The following DTNA variants were observed in gnomAD, a reference collection of about 807,000 sequenced individuals.
DTNA encodes dystrophin-related protein 3.
A neutral mutation model predicts 100.7 loss-of-function variants in DTNA; 43 were observed. The ratio of observed to expected loss-of-function variants is 0.43; its 90% confidence interval spans 0.33 to 0.55. DTNA has a LOEUF of 0.55. DTNA is among the 20% of genes least tolerant of loss of function. DTNA has a pLI of 0.04. For missense variants in DTNA, 798 were observed against 953.9 expected (o/e 0.84, Z 2.15); for synonymous variants, 349 against 347.9 (o/e 1.00, Z -0.04).
chr18:34,867,290 T>G, intron 17 of DTNA: 1 of 1,231,292 alleles, frequency 8.1e-7, no homozygotes, highest in Non-Finnish European at 1.0e-6. Context: ...AAAAGGAAAG[T>G]GTAAAATCAA....
chr18:34,550,367 T>C (rs2045275767), intron 1 of DTNA, among the ~76,000 whole-genome samples: 1 of 152,126 alleles, frequency 6.6e-6, no homozygotes, highest in African/African-American at 2.4e-5. Flanking sequence ...GATTTTCGGC[T>C]AGGGGATCTA....
At chr18:34,842,255 A>G (rs1568732949) in intron 13 of DTNA, among the ~76,000 whole-genome samples, 2 of 152,160 alleles carry the variant, frequency 1.3e-5, no homozygotes, top group Non-Finnish European at 2.9e-5. Flanking sequence ...TGTTCTGCTT[A>G]TATTTTTCTC....
At chr18:34,621,800 A>G (rs1599176163) in intron 1 of DTNA, among the ~76,000 whole-genome samples, 1 of 152,220 alleles carries the variant, frequency 6.6e-6, no homozygotes, top group African/African-American at 2.4e-5. Flanking sequence ...GAAAATTGCT[A>G]AGAGAGTAGA....
intron 1 of DTNA, among the ~76,000 whole-genome samples, chr18:34,612,532 G>T (rs555694612): frequency 6.6e-6 from 1 of 152,250 alleles, no homozygotes; most frequent in South Asian, 2.1e-4. Context: ...GGCACCCACA[G>T]TGTGGACCCT....
At chr18:34,738,713 C>T (rs921612525) in intron 1 of DTNA, among the ~76,000 whole-genome samples, 14 of 152,152 alleles carry the variant, frequency 9.2e-5, no homozygotes, top group East Asian at 5.8e-4. Context: ...CAGCGCGTGA[C>T]GGTGAGGAAT....
chr18:34,821,900 C>T lies in DTNA; in HGVS notation c.1001+985C>T, dbSNP rs552662178. ...GGCACTGTGGTGGGTATGAGACCTT[C>T]GTGGAAGCAGCAACTATGTTCTCTG... On this transcript the variant is annotated intron_variant, in intron 9 of 22. Coordinates refer to ENST00000444659, the MANE Select transcript of DTNA (RefSeq NM_001386795.1). Among the ~76,000 whole-genome samples, 8 of 152,302 alleles carry T rather than the reference C, an allele frequency of 5.3e-5. No individual in the cohort carries two copies. The East Asian group carries it at 1.4e-3, about 26-fold the overall frequency.
intron 1 of DTNA, among the ~76,000 whole-genome samples, chr18:34,557,135 T>G (rs1332817938): frequency 3.3e-5 from 5 of 150,362 alleles, no homozygotes; most frequent in African/African-American, 5.0e-5. Flanking sequence ...CCATTGCTGA[T>G]ACCCTTTCTT....
At position 34,890,337 on chromosome 18, in the gene DTNA, G is replaced by C. The variant is rs1014655771; in HGVS notation, c.*2603G>C. On this transcript the variant is annotated 3_prime_UTR_variant, in exon 23 of 23. Transcript: ENST00000444659. ...ACTGAGACCAGACTCGAGCACCCCT[G>C]TCCTGTAAGCGAGACAAAATGGCGT... The C allele has an allele frequency of 2.6e-6, 4 of 1,535,912 alleles. No homozygotes were observed. In the African/African-American group the frequency reaches 4.1e-5, roughly 16 times the overall value.
In DTNA at chr18:34,851,440, C is replaced by T. The variant is rs573746931; in HGVS notation, c.1435-391C>T. ...TTAATTGTACATTACAGTAATTGAA[C>T]GGTAACTCTAGAGAAAGCACCCTCT... On this transcript the variant is annotated intron_variant, in intron 14 of 22. Transcript: ENST00000444659. Among the ~76,000 whole-genome samples the T allele has an allele frequency of 6.2e-4, 95 of 152,220 alleles. No individual in the cohort carries two copies. In the South Asian group the frequency reaches 0.016, roughly 25 times the overall value.
intron 1 of DTNA, among the ~76,000 whole-genome samples, chr18:34,526,989 A>G (rs142668319): frequency 2.0e-5 from 3 of 152,216 alleles, no homozygotes; most frequent in African/African-American, 7.2e-5. Context: ...TCTTAGGCAG[A>G]TCCTCATGAA....
chr18:34,828,300 A>T (rs1165071829), intron 10 of DTNA, among the ~76,000 whole-genome samples: 1 of 152,242 alleles, frequency 6.6e-6, no homozygotes, highest in African/African-American at 2.4e-5. Flanking sequence ...AGACATATGC[A>T]GGGTCAAGAG....
chr18:34,697,027 C>T (rs1192703077), intron 1 of DTNA, among the ~76,000 whole-genome samples: 1 of 152,172 alleles, frequency 6.6e-6, no homozygotes, highest in African/African-American at 2.4e-5. Context: ...ATGCTACTAA[C>T]AATCTACGAT....
intron 1 of DTNA, among the ~76,000 whole-genome samples, chr18:34,692,263 A>C (rs1209670349): frequency 6.6e-6 from 1 of 152,236 alleles, no homozygotes; most frequent in Admixed American, 6.5e-5. Context: ...CGTTCTGGGG[A>C]AGGAAACCTC....
intron 9 of DTNA, chr18:34,821,230 T>C: frequency 6.1e-6 from 3 of 495,332 alleles, no homozygotes; most frequent in Non-Finnish European, 1.2e-5. Context: ...ATCACTGTGG[T>C]AAAAAATGAT....
chr18:34,833,404 C>CTGTGTGTGTGTGTGTG (rs58409064), intron 11 of DTNA, among the ~76,000 whole-genome samples: 69 of 144,998 alleles, frequency 4.8e-4, no homozygotes, highest in African/African-American at 1.7e-3. Context: ...CATTGTGTCA[C>CTGTGTGTGTGTGTGTG]TGTGTGTGTG....
chr18:34,799,427 A>C (rs2095120261), intron 4 of DTNA, among the ~76,000 whole-genome samples: 1 of 152,264 alleles, frequency 6.6e-6, no homozygotes, highest in African/African-American at 2.4e-5. Context: ...CAAAGTACAC[A>C]ACCATTTCTC....
At chr18:34,879,517 A>T (rs1298126323) in intron 19 of DTNA, 34 bp from the exon 20 acceptor site, 1 of 1,612,028 alleles carries the variant, frequency 6.2e-7, no homozygotes, top group South Asian at 1.1e-5. Context: ...AAATCTAACG[A>T]GTCATTCTTT....
At chr18:34,694,713 A>G (rs544374356) in intron 1 of DTNA, among the ~76,000 whole-genome samples, 5 of 152,114 alleles carry the variant, frequency 3.3e-5, no homozygotes, top group African/African-American at 1.2e-4. Context: ...TTATTATATC[A>G]TGTCTCCCTA....
chr18:34,589,677 C>T (rs9807118), intron 1 of DTNA, among the ~76,000 whole-genome samples: 15,424 of 152,076 alleles, frequency 0.1, 1,123 homozygotes, highest in African/African-American at 0.2. Flanking sequence ...GTATACAATA[C>T]AATATTATTA....
Sources: gnomAD v4.1 joint callset for allele counts (sites outside exome capture counted in the v4.1 genomes callset) on GRCh38, gnomAD v4.1.1 for gene constraint, MANE v1.5 for transcripts, NCBI Gene and HGNC (gene_info 2026-07-23, HGNC 2026-07-21) for gene names.